The following DLG2 variants were observed in gnomAD, a reference collection of about 807,000 sequenced individuals.
DLG2 encodes disks large homolog 2.
Under a neutral mutation model 132.5 loss-of-function variants are expected in DLG2, and 45 were observed. The ratio of observed to expected loss-of-function variants is 0.34; its 90% CI spans 0.27 to 0.44. The LOEUF (loss-of-function observed/expected upper bound fraction) is 0.44, where lower values mean the gene tolerates loss of function less well. Ranked by LOEUF, DLG2 falls within the 20% of genes least tolerant of loss-of-function variation. The pLI, the probability that DLG2 is intolerant of heterozygous loss-of-function variation, is 1.00. For synonymous variants in DLG2, 424 were observed against 419.6 expected, an observed-to-expected ratio of 1.01 and a Z score of -0.13; for missense variants, 1,045 against 1,196.9, an observed-to-expected ratio of 0.87 and a Z score of 1.87.
At chr11:84,535,965 A>ATATATATATATATATATATATATAT (rs1209865425) in intron 6 of DLG2, among the ~76,000 whole-genome samples, 10 of 151,458 alleles carry the variant, frequency 6.6e-5, no homozygotes, top group African/African-American at 1.2e-4. Flanking sequence ...ATATATATAT[A>ATATATATATATATATATATATATAT]AAACTTCTAG....
At chr11:85,536,892 A>T (rs1339155979) in intron 3 of DLG2, among the ~76,000 whole-genome samples, 2 of 152,214 alleles carry the variant, frequency 1.3e-5, no homozygotes, top group Non-Finnish European at 2.9e-5. Context: ...TGCCCAGACT[A>T]GGTGCCGCAA....
chr11:84,373,265 C>CAAACAAAAAAAAA (rs762481478), intron 7 of DLG2, among the ~76,000 whole-genome samples: 5 of 98,088 alleles, frequency 5.1e-5, no homozygotes, highest in African/African-American at 2.3e-4. Flanking sequence ...AAAAAAAAAA[C>CAAACAAAAAAAAA]AAAACAAAAA....
intron 7 of DLG2, among the ~76,000 whole-genome samples, chr11:84,412,828 A>C (rs1240509092): frequency 1.3e-5 from 2 of 152,104 alleles, no homozygotes; most frequent in South Asian, 4.1e-4. Context: ...TGTTCTGAGG[A>C]CTGCAGGCCC....
rs777730750 is a variant in DLG2 at position 83,541,895 on chromosome 11, C to T, written c.1941-37G>A. On this transcript the variant is annotated intron_variant, in intron 19 of 27. Transcript: ENST00000376104. ...GACAAAAGAGGACATTGTTAGGAAT[C>T]TCTGGCAGCACAGATTTAGGATTTA... 9.1e-5 allele frequency: 141 copies of T among 1,547,444 alleles called. 1 individual carries two copies. Among genetic ancestry groups the T allele is most frequent in the Non-Finnish European group, 1.2e-4 (140 of 1,144,612 alleles).
chr11:84,712,536 C>T lies in DLG2; in HGVS notation c.358-177805G>A, dbSNP rs1034144827. ...TTGTAGCATTAGAAGCCTTCAACAA[C>T]GTGTTGGTAGGTTAAAATACCTCCA... On this transcript the variant is annotated intron_variant, in intron 6 of 27. Transcript: ENST00000376104. Among the ~76,000 whole-genome samples, 9 of 152,032 alleles carry T rather than the reference C, an allele frequency of 5.9e-5. No homozygotes were observed. In the South Asian group the frequency reaches 8.3e-4, roughly 14 times the overall value.
intron 6 of DLG2, among the ~76,000 whole-genome samples, chr11:84,866,924 G>A (rs753165079): frequency 2.6e-5 from 4 of 152,158 alleles, no homozygotes; most frequent in Admixed American, 6.5e-5. Context: ...TTTTTAGACT[G>A]TAACATTTTT....
At chr11:83,814,335 C>G (rs1157315811) in intron 17 of DLG2, among the ~76,000 whole-genome samples, 2 of 152,176 alleles carry the variant, frequency 1.3e-5, no homozygotes, top group African/African-American at 4.8e-5. Flanking sequence ...AGGGCCGTTA[C>G]TCTACTCCCT....
At chr11:84,261,877 G>C (rs2097551495) in intron 7 of DLG2, among the ~76,000 whole-genome samples, 1 of 152,138 alleles carries the variant, frequency 6.6e-6, no homozygotes, top group South Asian at 2.1e-4. Context: ...GGGTAGAAAG[G>C]GGTAACTGCA....
chr11:84,254,221 C>T (rs1248308823), intron 7 of DLG2, among the ~76,000 whole-genome samples: 1 of 152,070 alleles, frequency 6.6e-6, no homozygotes, highest in Non-Finnish European at 1.5e-5. Context: ...TTGGGGCTTT[C>T]ATCCCATCTT....
intron 7 of DLG2, among the ~76,000 whole-genome samples, chr11:84,407,201 A>G (rs756693042): frequency 2.6e-5 from 4 of 151,920 alleles, no homozygotes; most frequent in Non-Finnish European, 4.4e-5. Context: ...AGGCTCCCCA[A>G]ACCTGGAAGT....
At chr11:84,498,212 T>C (rs900713299) in intron 7 of DLG2, among the ~76,000 whole-genome samples, 4 of 152,242 alleles carry the variant, frequency 2.6e-5, no homozygotes, top group African/African-American at 7.2e-5. Context: ...TTCCTAGGTT[T>C]GGGCTAAATT....
chr11:84,132,012 A>G (rs2094442674), intron 9 of DLG2, among the ~76,000 whole-genome samples: 1 of 151,944 alleles, frequency 6.6e-6, no homozygotes, highest in Admixed American at 6.6e-5. Context: ...CAAAAGCACA[A>G]GAGAAAGATA....
At chr11:84,495,996 A>T (rs1467227383) in intron 7 of DLG2, among the ~76,000 whole-genome samples, 1 of 152,128 alleles carries the variant, frequency 6.6e-6, no homozygotes, top group Non-Finnish European at 1.5e-5. Context: ...ACTCAGGTAA[A>T]AGATGGGACC....
chr11:85,379,913 C>A (rs1232812729), intron 3 of DLG2, among the ~76,000 whole-genome samples: 3 of 152,092 alleles, frequency 2.0e-5, no homozygotes, highest in Non-Finnish European at 2.9e-5. Context: ...TTATATGTCA[C>A]AAAATGTCAC....
intron 6 of DLG2, among the ~76,000 whole-genome samples, chr11:84,978,339 C>A (rs1004068474): frequency 1.3e-5 from 2 of 152,138 alleles, no homozygotes; most frequent in African/African-American, 4.8e-5. Context: ...AAAAAAGAGC[C>A]CGCATTGCCA....
intron 6 of DLG2, among the ~76,000 whole-genome samples, chr11:85,050,477 G>A (rs375805959): frequency 6.6e-6 from 1 of 151,990 alleles, no homozygotes; most frequent in Non-Finnish European, 1.5e-5. Context: ...TTTCACTACC[G>A]TAAATGCAGG....
intron 18 of DLG2, among the ~76,000 whole-genome samples, chr11:83,689,304 G>T (rs1213886520): frequency 1.3e-5 from 2 of 152,124 alleles, no homozygotes; most frequent in Non-Finnish European, 2.9e-5. Context: ...CAAAGAGATG[G>T]TGGGGGGTTA....
intron 7 of DLG2, among the ~76,000 whole-genome samples, chr11:84,433,607 G>T (rs1363990297): frequency 6.6e-6 from 1 of 152,142 alleles, no homozygotes; most frequent in African/African-American, 2.4e-5. Context: ...TTAAATGAAA[G>T]AATAACAAAG....
At chr11:83,589,114 C>T (rs1044018600) in intron 19 of DLG2, among the ~76,000 whole-genome samples, 4 of 148,832 alleles carry the variant, frequency 2.7e-5, no homozygotes, top group African/African-American at 7.4e-5. Context: ...GGCAGGCCAA[C>T]GTTCAGATTC....
Sources: allele counts gnomAD v4.1 joint callset (sites outside exome capture counted in the v4.1 genomes callset), GRCh38; gene constraint gnomAD v4.1.1; transcripts MANE v1.5; gene names NCBI Gene and HGNC (gene_info 2026-07-23, HGNC 2026-07-21).